DPP10: variants seen among roughly 807,000 people sequenced by gnomAD.
DPP10 encodes inactive dipeptidyl peptidase 10.
Under a neutral mutation model 120.9 loss-of-function variants are expected in DPP10, and 33 were observed. The ratio of observed to expected loss-of-function variants is 0.27; its 90% confidence interval spans 0.21 to 0.37. DPP10 has a LOEUF of 0.37. Among genes scored for constraint, DPP10 ranks in the 10% least tolerant of loss-of-function variants. The pLI is 1.00. For synonymous variants in DPP10, 337 were observed against 326.1 expected (o/e 1.03, Z -0.36); for missense variants, 816 against 942.8 (o/e 0.87, Z 1.76).
intron 5 of DPP10, among the ~76,000 whole-genome samples, chr2:115,674,765 A>T (rs1388557179): frequency 1.3e-5 from 2 of 152,204 alleles, no homozygotes; most frequent in Non-Finnish European, 2.9e-5. Flanking sequence ...GGAACCTTAC[A>T]AATAGAGGTC....
At chr2:115,349,197 G>A (rs1185193002) in intron 3 of DPP10, among the ~76,000 whole-genome samples, 1 of 151,962 alleles carries the variant, frequency 6.6e-6, no homozygotes, top group Non-Finnish European at 1.5e-5. Flanking sequence ...ACTCATGTTG[G>A]AAAAAAATAA....
intron 2 of DPP10, among the ~76,000 whole-genome samples, chr2:115,328,126 A>C (rs1183067345): frequency 2.6e-5 from 4 of 152,094 alleles, no homozygotes; most frequent in Non-Finnish European, 5.9e-5. Flanking sequence ...AGAATCAAGC[A>C]ACATATGTGA....
chr2:115,612,684 T>C (rs1448474790), intron 5 of DPP10, among the ~76,000 whole-genome samples: 1 of 152,190 alleles, frequency 6.6e-6, no homozygotes. Context: ...CTGGGCAAGA[T>C]ATTTAATGTC....
chr2:115,787,818 CAG>C (rs1366934236), intron 17 of DPP10, among the ~76,000 whole-genome samples: 7 of 152,020 alleles, frequency 4.6e-5, no homozygotes, highest in Admixed American at 3.9e-4. Flanking sequence ...TTTAAATAAT[CAG>C]AAATTAAAAG....
intron 1 of DPP10, 122 bp from the exon 2 acceptor site, chr2:115,309,117 A>G: frequency 1.4e-6 from 1 of 707,928 alleles, no homozygotes; most frequent in South Asian, 1.9e-5. Flanking sequence ...GAACTACTGA[A>G]GAGGAAATGG....
At chr2:114,785,525 T>G (rs1346107662) in intron 1 of DPP10, among the ~76,000 whole-genome samples, 1 of 152,176 alleles carries the variant, frequency 6.6e-6, no homozygotes, top group Non-Finnish European at 1.5e-5. Context: ...TTGAGCCATG[T>G]GAAGTGCAAA....
At chr2:114,482,232 A>G (rs563572309) in intron 1 of DPP10, among the ~76,000 whole-genome samples, 7 of 152,270 alleles carry the variant, frequency 4.6e-5, no homozygotes, top group Admixed American at 1.3e-4. Flanking sequence ...AATGTTTTAG[A>G]AATGGAGAAC....
At chr2:115,797,596 A>C (rs1684685028) in intron 19 of DPP10, among the ~76,000 whole-genome samples, 1 of 151,978 alleles carries the variant, frequency 6.6e-6, no homozygotes, top group South Asian at 2.1e-4. Flanking sequence ...TATCTTTGTC[A>C]TTTACATGGA....
At chr2:114,738,050 A>T (rs1677635810) in intron 1 of DPP10, among the ~76,000 whole-genome samples, 1 of 152,198 alleles carries the variant, frequency 6.6e-6, no homozygotes, top group Non-Finnish European at 1.5e-5. Context: ...CATAGTCTTC[A>T]CATGGCCAGA....
chr2:115,192,621 G>A (rs1178410000), intron 1 of DPP10, among the ~76,000 whole-genome samples: 1 of 152,128 alleles, frequency 6.6e-6, no homozygotes, highest in African/African-American at 2.4e-5. Flanking sequence ...AAACCAAACA[G>A]CATTTTATAT....
chr2:114,828,400 G>A (rs1273184214), intron 1 of DPP10: 2 of 152,092 alleles, frequency 1.3e-5, no homozygotes, highest in Non-Finnish European at 2.9e-5. Flanking sequence ...AAACATAGAT[G>A]CATTAATATA....
At position 114,699,754 on chromosome 2, in the gene DPP10, A is replaced by G. The variant is rs571551286; in HGVS notation, c.60+256916A>G. Reference sequence around the variant, plus strand: ...GCTCCAAGAAGAATGGACTTAATTAACTGAGAGCTGAGACCACACAGTGTG... The same window carrying G: ...GCTCCAAGAAGAATGGACTTAATTAGCTGAGAGCTGAGACCACACAGTGTG... On this transcript the variant is annotated intron_variant, in intron 1 of 25. Transcript: ENST00000410059. Among the ~76,000 whole-genome samples the G allele has an allele frequency of 7.9e-5, 12 of 152,218 alleles. No homozygotes were observed. In the South Asian group the frequency reaches 2.5e-3, roughly 32 times the overall value.
intron 1 of DPP10, among the ~76,000 whole-genome samples, chr2:114,472,373 A>G (rs1268391338): frequency 6.6e-6 from 1 of 152,234 alleles, no homozygotes; most frequent in Non-Finnish European, 1.5e-5. Context: ...CAATGGGGGC[A>G]GAGAAAGGAT....
intron 5 of DPP10, among the ~76,000 whole-genome samples, chr2:115,608,811 A>G (rs1013057740): frequency 3.3e-5 from 5 of 152,202 alleles, no homozygotes; most frequent in African/African-American, 1.2e-4. Context: ...AATTTTAAAA[A>G]TTCTTTTGTT....
chr2:114,884,411 A>T (rs892994507), intron 1 of DPP10, among the ~76,000 whole-genome samples: 2 of 151,754 alleles, frequency 1.3e-5, no homozygotes, highest in Non-Finnish European at 2.9e-5. Context: ...TCCAGGGGAG[A>T]ATTCTTTTTC....
chr2:115,643,137 A>C (rs966291415), intron 5 of DPP10, among the ~76,000 whole-genome samples: 1 of 152,152 alleles, frequency 6.6e-6, no homozygotes, highest in South Asian at 2.1e-4. Context: ...GAAATAAAAA[A>C]AAAAATGCGT....
chr2:115,437,947 T>C (rs2071644684), intron 3 of DPP10, among the ~76,000 whole-genome samples: 1 of 152,170 alleles, frequency 6.6e-6, no homozygotes, highest in Non-Finnish European at 1.5e-5. Flanking sequence ...GCCAAACAGC[T>C]CACATTCAAG....
Position 115,421,658 on chromosome 2 carries a change from G to A in DPP10, c.271+77746G>A, listed in dbSNP as rs572966807. On this transcript the variant is annotated intron_variant, in intron 3 of 25. Coordinates refer to ENST00000410059, the MANE Select transcript of DPP10 (RefSeq NM_020868.6). ...GAAGCCGAGGCAGGCGGATCACGAA[G>A]TCAAGAGATTGAGACCATCCTGGCT... Among the ~76,000 whole-genome samples, 61 of 152,070 alleles carry A rather than the reference G, an allele frequency of 4.0e-4. 1 individual carries two copies. The South Asian group carries it at 0.011, about 28-fold the overall frequency.
chr2:115,745,041 T>C, intron 9 of DPP10, among the ~76,000 whole-genome samples: 1 of 150,402 alleles, frequency 6.6e-6, no homozygotes. Flanking sequence ...ACCTCATTGA[T>C]GGGGTTATTC....
Sources: allele counts gnomAD v4.1 joint callset (sites outside exome capture counted in the v4.1 genomes callset), GRCh38; gene constraint gnomAD v4.1.1; transcripts MANE v1.5; gene names NCBI Gene and HGNC (gene_info 2026-07-23, HGNC 2026-07-21).